Variants in ADCY7 observed in about 807,000 individuals in gnomAD.
ADCY7 encodes adenylate cyclase 7.
A neutral mutation model predicts 120.6 loss-of-function variants in ADCY7; 72 were observed. The observed-to-expected ratio is 0.60, with a 90% CI of 0.49 to 0.73. The LOEUF is 0.73. Among genes scored for constraint, ADCY7 ranks in the 30% least tolerant of loss-of-function variants. The probability of loss-of-function intolerance (pLI) is 0.00; values close to 1 mark genes in which losing one functional copy is unlikely to be tolerated. For missense variants in ADCY7, 1,227 were observed against 1,486.0 expected, an observed-to-expected ratio of 0.83 and a Z score of 2.87; for synonymous variants, 661 against 628.0, an observed-to-expected ratio of 1.05 and a Z score of -0.78.
At chr16:50,282,899 T>C (rs1425710380) in intron 1 of ADCY7, among the ~76,000 whole-genome samples, 1 of 152,042 alleles carries the variant, frequency 6.6e-6, no homozygotes, top group Non-Finnish European at 1.5e-5. Context: ...ATAAACAACT[T>C]TTTATAGCGA....
Position 50,277,628 on chromosome 16 carries a change from G to A in ADCY7, c.-268-10284G>A, listed in dbSNP as rs1015327976. Among the ~76,000 whole-genome samples, 21 of 151,096 alleles carry A rather than the reference G, an allele frequency of 1.4e-4. 1 individual carries two copies. Among genetic ancestry groups the A allele is most frequent in the Admixed American group, 3.9e-4 (6 of 15,200 alleles). The stretch of plus-strand genomic sequence containing the variant: ...CTGCCTCAGCCTCCCAAGTAGCTGG[G>A]ACTATAGGTGCATCCCATTGTGCCT... On this transcript the variant is annotated intron_variant, in intron 1 of 25. Coordinates refer to ENST00000673801, the MANE Select transcript of ADCY7 (RefSeq NM_001114.5).
chr16:50,252,152 G>A (rs1201613530), intron 1 of ADCY7, among the ~76,000 whole-genome samples: 1 of 152,166 alleles, frequency 6.6e-6, no homozygotes, highest in Non-Finnish European at 1.5e-5. Flanking sequence ...CTTTTTGGGT[G>A]TATGTAGGCA....
In ADCY7 at chr16:50,315,347, CTT is replaced by C; in HGVS notation, c.3097-11_3097-10del. On this transcript the variant is annotated splice_polypyrimidine_tract_variant and intron_variant, in intron 25 of 25. Coordinates refer to ENST00000673801, the MANE Select transcript of ADCY7 (RefSeq NM_001114.5). ...CCGCCTCTGAAGACAACAGGTCTCTCTTCCTTTTCAGGTTACCGAGGAGACCT... is the reference window on the plus strand; with the variant it reads ...CCGCCTCTGAAGACAACAGGTCTCTCCCTTTTCAGGTTACCGAGGAGACCT... 6.2e-7 allele frequency: 1 copy of C among 1,601,944 alleles called. No homozygotes were observed. The highest frequency in any genetic ancestry group is 1.3e-5 in the African/African-American group (1 of 74,834).
chr16:50,278,191 C>A (rs1235306676), intron 1 of ADCY7, among the ~76,000 whole-genome samples: 3 of 152,028 alleles, frequency 2.0e-5, no homozygotes, highest in Non-Finnish European at 4.4e-5. Context: ...AAGCATGCAC[C>A]TCCACACCTG....
At chr16:50,251,847 T>C (rs369886413) in intron 1 of ADCY7, among the ~76,000 whole-genome samples, 42 of 152,188 alleles carry the variant, frequency 2.8e-4, no homozygotes, top group African/African-American at 9.9e-4. Context: ...AAGCTTGGGT[T>C]CTCCCCTTCC....
chr16:50,312,215 G>A (rs201335718), intron 21 of ADCY7, 24 bp downstream of exon 21: 131 of 1,530,346 alleles, frequency 8.6e-5, no homozygotes, highest in African/African-American at 3.8e-4. Context: ...GGGCTGGGGC[G>A]GGGGCAGGGA....
At chr16:50,282,067 C>A (rs1216879351) in intron 1 of ADCY7, among the ~76,000 whole-genome samples, 1 of 152,112 alleles carries the variant, frequency 6.6e-6, no homozygotes, top group African/African-American at 2.4e-5. Context: ...CTTCCATGCC[C>A]CCCTCACTCC....
At chr16:50,292,976 TAACCA>T in intron 5 of ADCY7, 151 bp downstream of exon 5, 9 of 1,036,064 alleles carry the variant, frequency 8.7e-6, no homozygotes, top group Non-Finnish European at 1.3e-5. Context: ...TCCAGCAGGG[TAACCA>T]TAGCCTGCTG....
intron 12 of ADCY7, 142 bp downstream of exon 12, chr16:50,305,101 C>T (rs1235238012): frequency 1.9e-6 from 2 of 1,076,928 alleles, no homozygotes; most frequent in Non-Finnish European, 2.8e-6. Flanking sequence ...TGGGTCAAAG[C>T]ATTTCTAGGA....
intron 22 of ADCY7, 57 bp from the exon 23 acceptor site, chr16:50,313,901 C>A: frequency 2.7e-6 from 4 of 1,460,232 alleles, no homozygotes; most frequent in East Asian, 4.6e-5. Context: ...GAAGCAGGGG[C>A]AGCCTGGCTG....
chr16:50,304,399 C>T lies in ADCY7; in HGVS notation c.1408C>T (p.Pro470Ser). Residue 470 changes from proline (P) to serine (S), a missense_variant, in exon 11 of 26, where the codon CCC becomes TCC. Transcript: ENST00000673801. ...PPPPSQHLPR[P>S]KGDAALKMRA... ...CCCGCCCAGCCAACACCTCCCCAGGCCCAAGGGGGACGCGGCCCTGAAGAT... is the reference window on the plus strand; with the variant it reads ...CCCGCCCAGCCAACACCTCCCCAGGTCCAAGGGGGACGCGGCCCTGAAGAT... 3.2e-6 allele frequency: 5 copies of T among 1,584,532 alleles called. No homozygotes were observed. The highest frequency in any genetic ancestry group is 4.3e-6 in the Non-Finnish European group (5 of 1,164,366).
chr16:50,289,215 T>A (rs1256852402), intron 2 of ADCY7: 1 of 337,408 alleles, frequency 3.0e-6, no homozygotes, highest in Non-Finnish European at 5.8e-6. Context: ...TTGTTTGTTT[T>A]TGTAGAGACA....
intron 1 of ADCY7, among the ~76,000 whole-genome samples, chr16:50,283,348 G>C (rs2034391981): frequency 6.6e-6 from 1 of 152,176 alleles, no homozygotes; most frequent in African/African-American, 2.4e-5. Context: ...TCTCCATGTT[G>C]GTGTCAGTTT....
chr16:50,277,099 T>G (rs1038318521), intron 1 of ADCY7, among the ~76,000 whole-genome samples: 1 of 152,216 alleles, frequency 6.6e-6, no homozygotes, highest in Non-Finnish European at 1.5e-5. Context: ...GCCATGTGGA[T>G]TTTTCACAGG....
intron 10 of ADCY7, among the ~76,000 whole-genome samples, chr16:50,303,578 C>T (rs916260838): frequency 3.3e-5 from 5 of 151,692 alleles, no homozygotes; most frequent in Non-Finnish European, 5.9e-5. Flanking sequence ...CCCCAACTGG[C>T]GAAGGCCTCA....
chr16:50,251,171 T>C (rs1278327072), intron 1 of ADCY7, among the ~76,000 whole-genome samples: 1 of 151,916 alleles, frequency 6.6e-6, no homozygotes, highest in Non-Finnish European at 1.5e-5. Context: ...GCCCAGGAAT[T>C]TGAGGCTGCA....
Position 50,290,651 on chromosome 16 carries a change from G to T in ADCY7, c.366G>T (p.Ala122=). ...ACGCATGGACAAAGGCGGCCTGTGC[G>T]TGGGAGCAGGTAACAGGAACTCTGG... The part of the protein sequence containing the change: ...VFDAWTKAAC[A]WEQVPFFLFI... Residue 122 remains alanine, a synonymous_variant, in exon 3 of 26, where the codon GCG becomes GCT. Coordinates refer to ENST00000673801, the MANE Select transcript of ADCY7 (RefSeq NM_001114.5). 6.2e-7 allele frequency: 1 copy of T among 1,613,182 alleles called. No homozygotes were observed. Among genetic ancestry groups the T allele is most frequent in the Non-Finnish European group, 8.5e-7 (1 of 1,179,412 alleles).
At chr16:50,257,646 G>A (rs4470144) in intron 1 of ADCY7, among the ~76,000 whole-genome samples, 152,031 of 152,044 alleles carry the variant, frequency 1, 76,009 homozygotes, top group Middle Eastern at 1. Context: ...AACATTAGCA[G>A]TAATTCTTTA....
Position 50,311,801 on chromosome 16 carries a change from C to T in ADCY7, c.2448+15C>T, listed in dbSNP as rs2302678. 4 of 53,664 alleles carry T rather than the reference C, an allele frequency of 7.5e-5. No individual in the cohort carries two copies. Among genetic ancestry groups the T allele is most frequent in the South Asian group, 4.1e-4 (2 of 4,934 alleles). 3.3% of individuals were successfully genotyped at this position (53,664 alleles called of 1,614,324 possible). A position where few individuals can be genotyped will look rare whatever the true frequency, so the allele number is the denominator to read the frequency against. ...TCTCCAGACAGGTAAGGAGGCTGGCCCCCCCCCCCCCCCCAAGCTCTGCCC... is the reference window on the plus strand; with the variant it reads ...TCTCCAGACAGGTAAGGAGGCTGGCTCCCCCCCCCCCCCCAAGCTCTGCCC... On this transcript the variant is annotated intron_variant, in intron 20 of 25. Transcript: ENST00000673801.
Sources: gnomAD v4.1 joint callset for allele counts (sites outside exome capture counted in the v4.1 genomes callset) on GRCh38, gnomAD v4.1.1 for gene constraint, MANE v1.5 for transcripts, NCBI Gene and HGNC (gene_info 2026-07-23, HGNC 2026-07-21) for gene names.